The following RBFOX2 variants were observed in gnomAD, a reference collection of about 807,000 sequenced individuals.
The protein encoded by RBFOX2 is RNA binding protein fox-1 homolog 2.
A neutral mutation model predicts 49.1 loss-of-function variants in RBFOX2; 10 were observed. The ratio of observed to expected loss-of-function variants is 0.20; its 90% CI spans 0.13 to 0.35. RBFOX2 has a LOEUF of 0.35. Among genes scored for constraint, RBFOX2 ranks in the 10% least tolerant of loss-of-function variants. RBFOX2 has a pLI of 1.00. For synonymous variants in RBFOX2, 183 were observed against 187.4 expected (o/e 0.98, Z 0.19); for missense variants, 323 against 486.9 (o/e 0.66, Z 3.17).
intron 2 of RBFOX2, among the ~76,000 whole-genome samples, chr22:35,790,725 T>G (rs778182825): frequency 6.6e-6 from 1 of 152,202 alleles, no homozygotes; most frequent in Non-Finnish European, 1.5e-5. Context: ...AATAATTTCA[T>G]AATTAAAAGT....
intron 1 of RBFOX2, among the ~76,000 whole-genome samples, chr22:35,899,278 T>TA (rs1603443352): frequency 1.3e-5 from 2 of 151,782 alleles, no homozygotes; most frequent in African/African-American, 4.8e-5. Flanking sequence ...AAGAAAAGTT[T>TA]AAATATGTCA....
At chr22:35,878,120 G>C (rs1306034373) in intron 1 of RBFOX2, among the ~76,000 whole-genome samples, 1 of 151,394 alleles carries the variant, frequency 6.6e-6, no homozygotes, top group African/African-American at 2.4e-5. Flanking sequence ...TCTCAAGCCA[G>C]GCGCAGTGGC....
At chr22:35,835,304 AG>A (rs199628901) in intron 1 of RBFOX2, among the ~76,000 whole-genome samples, 18 of 152,214 alleles carry the variant, frequency 1.2e-4, no homozygotes, top group Middle Eastern at 3.4e-3. Flanking sequence ...AGGGTGGGTA[AG>A]GGGGGGCTGT....
At chr22:35,768,329 G>C (rs766163687) in exon 5 of RBFOX2, 1 of 1,613,866 alleles carries the variant, frequency 6.2e-7, no homozygotes, top group Non-Finnish European at 8.5e-7. Context: ...CACTATTCTC[G>C]AAAGTTACGA....
intron 1 of RBFOX2, among the ~76,000 whole-genome samples, chr22:35,925,386 C>T (rs1040285053): frequency 2.0e-5 from 3 of 151,974 alleles, no homozygotes; most frequent in South Asian, 2.1e-4. Flanking sequence ...ATTAGCTAGG[C>T]GTGGTAGCAC....
At chr22:35,967,315 C>T (rs1400419689) in intron 1 of RBFOX2, among the ~76,000 whole-genome samples, 1 of 151,474 alleles carries the variant, frequency 6.6e-6, no homozygotes, top group Non-Finnish European at 1.5e-5. Context: ...TCCTATAATC[C>T]TAGCACTTCA....
intron 2 of RBFOX2, among the ~76,000 whole-genome samples, chr22:35,806,929 G>A (rs1346599144): frequency 6.6e-6 from 1 of 152,068 alleles, no homozygotes; most frequent in Non-Finnish European, 1.5e-5. Context: ...CTCAGCCTCT[G>A]AGTAGCTGGG....
At chr22:36,015,971 T>C (rs2146448163) in intron 1 of RBFOX2, among the ~76,000 whole-genome samples, 1 of 152,338 alleles carries the variant, frequency 6.6e-6, no homozygotes, top group East Asian at 1.9e-4. Context: ...ACTATGTAGC[T>C]GCTTTTCCAC....
chr22:35,967,383 A>T (rs1233121990), intron 1 of RBFOX2, among the ~76,000 whole-genome samples: 2 of 151,756 alleles, frequency 1.3e-5, no homozygotes, highest in South Asian at 2.1e-4. Flanking sequence ...GTCTCAAAAT[A>T]AAAAATTAAA....
intron 1 of RBFOX2, among the ~76,000 whole-genome samples, chr22:36,013,354 T>C (rs2058898640): frequency 6.6e-6 from 1 of 152,144 alleles, no homozygotes; most frequent in East Asian, 1.9e-4. Context: ...TGAGTAATAA[T>C]AATAAAAATG....
At chr22:35,845,387 T>C (rs973267254), upstream of RBFOX2, among the ~76,000 whole-genome samples, 2 of 151,090 alleles carry the variant, frequency 1.3e-5, no homozygotes, top group South Asian at 2.1e-4. Context: ...ATAGAACCCA[T>C]TCACCATTCA....
intron 1 of RBFOX2, among the ~76,000 whole-genome samples, chr22:35,912,830 T>G (rs890004218): frequency 3.9e-5 from 6 of 152,182 alleles, no homozygotes; most frequent in Non-Finnish European, 5.9e-5. Flanking sequence ...AACTGAGGTT[T>G]GAAAGTGAAA....
At chr22:35,822,827 CTTTTT>C (rs57822436) in intron 1 of RBFOX2, 6 of 389,498 alleles carry the variant, frequency 1.5e-5, no homozygotes, top group Admixed American at 9.7e-5. Context: ...TTTGGGTTGT[CTTTTT>C]TTTTTTTTTT....
upstream of RBFOX2, among the ~76,000 whole-genome samples, chr22:35,842,536 G>GA (rs1471142690): frequency 6.6e-6 from 1 of 152,074 alleles, no homozygotes; most frequent in Non-Finnish European, 1.5e-5. Flanking sequence ...TGTATTTTTG[G>GA]AAAAAATCTT....
chr22:35,816,678 C>T (rs1388898632), intron 1 of RBFOX2, among the ~76,000 whole-genome samples: 1 of 152,022 alleles, frequency 6.6e-6, no homozygotes, highest in African/African-American at 2.4e-5. Context: ...GGCCAAGATC[C>T]CAAGGAAGCT....
chr22:35,795,085 C>CAGGTGATAGCTTCCTT (rs1179030834), intron 2 of RBFOX2, among the ~76,000 whole-genome samples: 1 of 152,108 alleles, frequency 6.6e-6, no homozygotes, highest in Non-Finnish European at 1.5e-5. Flanking sequence ...ATTCTCAAAC[C>CAGGTGATAGCTTCCTT]AGGTGATAGC....
intron 1 of RBFOX2, among the ~76,000 whole-genome samples, chr22:35,866,659 T>C: frequency 6.6e-6 from 1 of 152,160 alleles, no homozygotes; most frequent in East Asian, 1.9e-4. Context: ...TTGCCTCATG[T>C]AGCCCAGACT....
chr22:35,795,628 C>CAAA (rs139555281), intron 2 of RBFOX2, among the ~76,000 whole-genome samples: 357 of 33,562 alleles, frequency 0.011, 11 homozygotes, highest in African/African-American at 0.036. Context: ...TGTAGAAAAG[C>CAAA]AAAAAAAAAA....
intron 1 of RBFOX2, among the ~76,000 whole-genome samples, chr22:35,929,483 A>G (rs192711466): frequency 9.8e-5 from 15 of 152,324 alleles, no homozygotes; most frequent in African/African-American, 2.9e-4. Flanking sequence ...AAAAGGTGAT[A>G]CATCACTATA....
Sources: allele counts gnomAD v4.1 joint callset (sites outside exome capture counted in the v4.1 genomes callset), GRCh38; gene constraint gnomAD v4.1.1; transcripts MANE v1.5; gene names NCBI Gene and HGNC (gene_info 2026-07-23, HGNC 2026-07-21).